The following DMRT1 variants were observed in gnomAD, a reference collection of about 807,000 sequenced individuals.
DMRT1 encodes the protein doublesex and mab-3 related transcription factor 1.
Under a neutral mutation model 32.3 loss-of-function variants are expected in DMRT1, and 7 were observed. The ratio of observed to expected loss-of-function variants is 0.22; its 90% CI spans 0.12 to 0.41. DMRT1 has a LOEUF of 0.41. Among genes scored for constraint, DMRT1 ranks in the 10% least tolerant of loss-of-function variants. The probability of loss-of-function intolerance (pLI) is 1.00; values close to 1 mark genes in which losing one functional copy is unlikely to be tolerated. For synonymous variants in DMRT1, 278 were observed against 206.1 expected (o/e 1.35, Z -2.99); for missense variants, 625 against 500.5 (o/e 1.25, Z -2.37).
At chr9:876,111 T>C (rs749223472) in intron 2 of DMRT1, among the ~76,000 whole-genome samples, 12 of 152,174 alleles carry the variant, frequency 7.9e-5, no homozygotes, top group Admixed American at 2.0e-4. Context: ...AGGGACACAA[T>C]TGAGAGCTGG....
At chr9:874,467 T>G (rs756427929) in intron 2 of DMRT1, among the ~76,000 whole-genome samples, 1 of 152,232 alleles carries the variant, frequency 6.6e-6, no homozygotes, top group Non-Finnish European at 1.5e-5. Context: ...TTACACAATC[T>G]TAATATATAC....
intron 2 of DMRT1, among the ~76,000 whole-genome samples, chr9:863,149 C>CCA (rs1554745425): frequency 0.027 from 2,631 of 98,284 alleles, 43 homozygotes; most frequent in East Asian, 0.07. Context: ...CAGGTCTCTA[C>CCA]AAAAAAAAAA....
chr9:967,960 C>CTCTA, intron 4 of DMRT1, 25 bp from the exon 5 acceptor site: 1 of 1,611,794 alleles, frequency 6.2e-7, no homozygotes, highest in East Asian at 2.2e-5. Context: ...CCCTTTCTCT[C>CTCTA]TTTCTCTCTC....
chr9:919,805 C>T (rs376097176), intron 4 of DMRT1, among the ~76,000 whole-genome samples: 7 of 152,106 alleles, frequency 4.6e-5, no homozygotes, highest in Non-Finnish European at 7.4e-5. Flanking sequence ...AGGGTGGGAG[C>T]GTGGCAGTGA....
rs535951764 is a variant in DMRT1, at chr9:862,445, G to A, written c.538+15302G>A. On this transcript the variant is annotated intron_variant, in intron 2 of 4. Coordinates refer to ENST00000382276, the MANE Select transcript of DMRT1 (RefSeq NM_021951.3). ...AGGGAGGCTGCAGTGAGCCGAGATG[G>A]CGGCAGCACAGTCCAGCCTCGGCAT... 1.4e-4 allele frequency among the ~76,000 whole-genome samples: 21 copies of A among 151,512 alleles called. No individual in the cohort carries two copies. The East Asian group carries it at 4.1e-3, about 30-fold the overall frequency.
intron 2 of DMRT1, among the ~76,000 whole-genome samples, chr9:867,284 A>G (rs552010011): frequency 1.3e-5 from 2 of 152,068 alleles, no homozygotes; most frequent in South Asian, 2.1e-4. Context: ...GGTAGGAGGA[A>G]GAAGTGACGT....
At chr9:930,485 C>T (rs1276011189) in intron 4 of DMRT1, among the ~76,000 whole-genome samples, 1 of 151,826 alleles carries the variant, frequency 6.6e-6, no homozygotes, top group Non-Finnish European at 1.5e-5. Context: ...GATCTCGGCT[C>T]ACTGCAAGCT....
intron 4 of DMRT1, among the ~76,000 whole-genome samples, chr9:961,252 A>G (rs957594708): frequency 6.6e-6 from 1 of 152,144 alleles, no homozygotes; most frequent in Non-Finnish European, 1.5e-5. Context: ...CACACTGGGT[A>G]ACTCTTTGCT....
At chr9:877,199 A>T (rs549007003) in intron 2 of DMRT1, among the ~76,000 whole-genome samples, 13 of 152,254 alleles carry the variant, frequency 8.5e-5, no homozygotes, top group Non-Finnish European at 1.9e-4. Flanking sequence ...TTTTATTTGT[A>T]GAATCACCTT....
chr9:949,730 C>G (rs1379541796), intron 4 of DMRT1, among the ~76,000 whole-genome samples: 1 of 152,172 alleles, frequency 6.6e-6, no homozygotes, highest in Non-Finnish European at 1.5e-5. Flanking sequence ...TTCCCTTTCT[C>G]TCAGGCCCTG....
chr9:941,308 C>T (rs1028198059), intron 4 of DMRT1, among the ~76,000 whole-genome samples: 1 of 149,282 alleles, frequency 6.7e-6, no homozygotes. Flanking sequence ...CATGCATGAG[C>T]GTGTGCGCAC....
At chr9:925,453 G>A (rs920326366) in intron 4 of DMRT1, among the ~76,000 whole-genome samples, 9 of 151,992 alleles carry the variant, frequency 5.9e-5, no homozygotes, top group African/African-American at 1.9e-4. Context: ...GATTAAGAAC[G>A]CAGCCCTGCC....
intron 4 of DMRT1, among the ~76,000 whole-genome samples, chr9:962,030 G>A (rs910035070): frequency 2.0e-5 from 3 of 152,138 alleles, no homozygotes; most frequent in Non-Finnish European, 4.4e-5. Context: ...CCAGTCTGTG[G>A]TTTTACTGCA....
Position 841,738 on chromosome 9 carries a change from G to C in DMRT1, c.-101G>C. 1.3e-6 allele frequency: 2 copies of C among 1,546,306 alleles called. No individual in the cohort carries two copies. Among genetic ancestry groups the C allele is most frequent in the African/African-American group, 2.7e-5 (2 of 73,100 alleles). ...CGGCTGCAGCGCACACGTCTCCTGC[G>C]CCTCCTCCTCCGGAGCGTCGCTGTC... On this transcript the variant is annotated 5_prime_UTR_variant, in exon 1 of 5. Transcript: ENST00000382276.
chr9:877,720 A>G (rs1382839192), intron 2 of DMRT1, among the ~76,000 whole-genome samples: 1 of 152,236 alleles, frequency 6.6e-6, no homozygotes, highest in African/African-American at 2.4e-5. Context: ...GCACGATACA[A>G]TTAAACAGCA....
Position 871,593 on chromosome 9 carries a change from T to G in DMRT1, c.539-22319T>G, listed in dbSNP as rs867154772. Among the ~76,000 whole-genome samples the G allele has an allele frequency of 3.3e-3, 435 of 133,508 alleles. 10 individuals are homozygous for G. The highest frequency in any genetic ancestry group is 0.012 in the African/African-American group (399 of 32,616). The allele number at this position is 133,508 out of a possible 152,430, so 87.6% of individuals were successfully genotyped here. A position where few individuals can be genotyped will look rare whatever the true frequency, so the allele number is the denominator to read the frequency against. On this transcript the variant is annotated intron_variant, in intron 2 of 4. Transcript: ENST00000382276. The stretch of plus-strand genomic sequence containing the variant: ...CCTGACCTCGTGATCCGCCCGCCTC[T>G]GCCTCCCAAAGTGCTGGGATTACAG...
chr9:893,771 A>G (rs1586578685), intron 2 of DMRT1, 141 bp from the exon 3 acceptor site: 5 of 746,932 alleles, frequency 6.7e-6, no homozygotes, highest in Non-Finnish European at 1.1e-5. Context: ...TATTTTGGCT[A>G]TAGGAGAAGC....
chr9:851,908 A>C (rs771927050), intron 2 of DMRT1, among the ~76,000 whole-genome samples: 4 of 151,372 alleles, frequency 2.6e-5, no homozygotes, highest in Non-Finnish European at 5.9e-5. Context: ...TGTTGCTTGT[A>C]CCAGCAGGAT....
At chr9:859,041 C>G (rs561107501) in intron 2 of DMRT1, among the ~76,000 whole-genome samples, 6 of 152,202 alleles carry the variant, frequency 3.9e-5, no homozygotes, top group South Asian at 4.2e-4. Context: ...TTACCCCTCT[C>G]ATGAACTAAC....
Sources: gnomAD v4.1 joint callset for allele counts (sites outside exome capture counted in the v4.1 genomes callset) on GRCh38, gnomAD v4.1.1 for gene constraint, MANE v1.5 for transcripts, NCBI Gene and HGNC (gene_info 2026-07-23, HGNC 2026-07-21) for gene names.